The following CTBP2 variants were observed in gnomAD, a reference collection of about 807,000 sequenced individuals.
CTBP2 encodes C-terminal binding protein 2.
In CTBP2, 30 loss-of-function variants were observed where a neutral mutation model predicts 80.3. That is an observed-to-expected ratio of 0.37 (90% CI 0.28 to 0.51). The LOEUF (loss-of-function observed/expected upper bound fraction) is 0.51. Among genes scored for constraint, CTBP2 ranks in the 20% least tolerant of loss-of-function variants. The probability of loss-of-function intolerance (pLI) is 0.93; values close to 1 mark genes in which losing one functional copy is unlikely to be tolerated. For missense variants in CTBP2, 1,212 were observed against 1,375.3 expected (o/e 0.88, Z 1.88); for synonymous variants, 594 against 587.4 (o/e 1.01, Z -0.16).
intron 2 of CTBP2, among the ~76,000 whole-genome samples, chr10:125,084,009 A>C (rs1847588621): frequency 1.3e-5 from 2 of 152,128 alleles, no homozygotes; most frequent in South Asian, 2.1e-4. Flanking sequence ...TAGAACTCCT[A>C]ATCTCAAATG....
At chr10:125,146,724 C>A (rs1858849183) in intron 1 of CTBP2, among the ~76,000 whole-genome samples, 1 of 152,136 alleles carries the variant, frequency 6.6e-6, no homozygotes, top group African/African-American at 2.4e-5. Context: ...CGCACATGAC[C>A]TACTATTCAC....
chr10:125,098,663 A>AGG (rs1849978959), intron 2 of CTBP2, among the ~76,000 whole-genome samples: 2 of 60,154 alleles, frequency 3.3e-5, no homozygotes, highest in Non-Finnish European at 6.7e-5. Flanking sequence ...AGGGGGAGAG[A>AGG]GAGAGAGAGA....
At chr10:125,023,517 T>C (rs1484081297) in intron 1 of CTBP2, among the ~76,000 whole-genome samples, 1 of 152,168 alleles carries the variant, frequency 6.6e-6, no homozygotes, top group Non-Finnish European at 1.5e-5. Flanking sequence ...ACTTGTGCCA[T>C]AGCCGGCCAG....
intron 2 of CTBP2, among the ~76,000 whole-genome samples, chr10:125,086,087 G>T (rs1437404808): frequency 6.6e-6 from 1 of 152,184 alleles, no homozygotes; most frequent in Admixed American, 6.5e-5. Flanking sequence ...TCAGTCCAAA[G>T]TATCTCTCTG....
chr10:125,132,142 G>A (rs895474186), intron 1 of CTBP2, among the ~76,000 whole-genome samples: 1 of 152,186 alleles, frequency 6.6e-6, no homozygotes, highest in African/African-American at 2.4e-5. Context: ...CTGGTAACAA[G>A]TGGAATTTCG....
chr10:125,158,960 T>C (rs1306418683), intron 1 of CTBP2, among the ~76,000 whole-genome samples: 1 of 151,600 alleles, frequency 6.6e-6, no homozygotes, highest in Non-Finnish European at 1.5e-5. Context: ...GCTGAGCTCT[T>C]GGGCCCGCGG....
At chr10:125,145,808 T>C (rs1031638463) in intron 1 of CTBP2, among the ~76,000 whole-genome samples, 2 of 152,178 alleles carry the variant, frequency 1.3e-5, no homozygotes, top group Admixed American at 6.5e-5. Flanking sequence ...TTGAAGAATA[T>C]GACATTCTGG....
At chr10:125,072,266 G>A (rs897503578) in intron 2 of CTBP2, among the ~76,000 whole-genome samples, 11 of 151,066 alleles carry the variant, frequency 7.3e-5, no homozygotes, top group African/African-American at 1.5e-4. Flanking sequence ...GAGAGACTCC[G>A]TCTCAAAAAA....
upstream of CTBP2, among the ~76,000 whole-genome samples, chr10:125,029,880 A>G (rs533931598): frequency 6.6e-6 from 1 of 152,250 alleles, no homozygotes; most frequent in South Asian, 2.1e-4. Flanking sequence ...TTCTTCAGAG[A>G]GGTTACTGAG....
At chr10:125,079,390 G>A (rs868710513) in intron 2 of CTBP2, among the ~76,000 whole-genome samples, 7 of 152,094 alleles carry the variant, frequency 4.6e-5, no homozygotes, top group South Asian at 2.1e-4. Context: ...ATTCACCACC[G>A]GTCAATTCAT....
intron 6 of CTBP2, 63 bp downstream of exon 8, chr10:124,993,792 G>T: frequency 6.5e-7 from 1 of 1,550,064 alleles, no homozygotes; most frequent in Middle Eastern, 2.4e-4. Flanking sequence ...AGTTCAAAGT[G>T]TGGGGGTCAG....
chr10:125,040,896 T>A (rs1204957491), intron 2 of CTBP2, among the ~76,000 whole-genome samples: 1 of 152,144 alleles, frequency 6.6e-6, no homozygotes, highest in African/African-American at 2.4e-5. Flanking sequence ...AAGCACAATT[T>A]CCAATCACAT....
At chr10:125,059,410 GTC>G (rs1195899571) in intron 2 of CTBP2, among the ~76,000 whole-genome samples, 1 of 151,936 alleles carries the variant, frequency 6.6e-6, no homozygotes, top group Admixed American at 6.6e-5. Flanking sequence ...GCAAAACCCC[GTC>G]TCTACTTAAA....
intron 2 of CTBP2, among the ~76,000 whole-genome samples, chr10:125,045,623 C>G (rs1378028820): frequency 6.6e-6 from 1 of 152,112 alleles, no homozygotes. Flanking sequence ...TGTAGCCTCC[C>G]AAGTAGCTGG....
At chr10:125,061,464 C>T (rs983912791) in intron 2 of CTBP2, among the ~76,000 whole-genome samples, 2 of 152,188 alleles carry the variant, frequency 1.3e-5, no homozygotes, top group Non-Finnish European at 2.9e-5. Context: ...GGGGTACAGG[C>T]CCTGCAGCGC....
At chr10:125,091,030 C>A (rs1028355591) in intron 2 of CTBP2, among the ~76,000 whole-genome samples, 6 of 152,306 alleles carry the variant, frequency 3.9e-5, no homozygotes, top group Non-Finnish European at 7.4e-5. Flanking sequence ...TGAGCCCAGG[C>A]AGCTGGATGC....
At chr10:125,074,649 C>T (rs1304778265) in intron 2 of CTBP2, among the ~76,000 whole-genome samples, 3 of 152,228 alleles carry the variant, frequency 2.0e-5, no homozygotes, top group Non-Finnish European at 4.4e-5. Context: ...CTGGCGAACA[C>T]TGTCCTTTTC....
intron 2 of CTBP2, among the ~76,000 whole-genome samples, chr10:125,110,472 G>C (rs59536048): frequency 0.12 from 18,879 of 151,960 alleles, 1,808 homozygotes; most frequent in African/African-American, 0.26. Flanking sequence ...AATCTACTCC[G>C]CCAGAAAAAT....
chr10:125,057,854 G>T (rs962721136), intron 2 of CTBP2, among the ~76,000 whole-genome samples: 6 of 152,106 alleles, frequency 3.9e-5, no homozygotes, highest in Admixed American at 3.3e-4. Flanking sequence ...CAACAGACTG[G>T]CCTGGACTTC....
Sources: gnomAD v4.1 joint callset for allele counts (sites outside exome capture counted in the v4.1 genomes callset) on GRCh38, gnomAD v4.1.1 for gene constraint, MANE v1.5 for transcripts, NCBI Gene and HGNC (gene_info 2026-07-23, HGNC 2026-07-21) for gene names.